Variants in HIF3A observed in about 807,000 individuals in gnomAD.
HIF3A encodes hypoxia inducible factor 3 subunit alpha, also known as hypoxia-inducible factor 3-alpha.
Under a neutral mutation model 67.2 loss-of-function variants are expected in HIF3A, and 41 were observed. The observed-to-expected ratio is 0.61, with a 90% CI of 0.48 to 0.79. HIF3A has a LOEUF of 0.79. HIF3A is among the 30% of genes least tolerant of loss of function. The pLI, the probability that HIF3A is intolerant of heterozygous loss-of-function variation, is 0.00. For synonymous variants in HIF3A, 356 were observed against 374.8 expected, an observed-to-expected ratio of 0.95 and a Z score of 0.58; for missense variants, 855 against 898.0, an observed-to-expected ratio of 0.95 and a Z score of 0.61.
At chr19:46,337,242 A>T (rs1971691877) in intron 14 of HIF3A, among the ~76,000 whole-genome samples, 1 of 151,778 alleles carries the variant, frequency 6.6e-6, no homozygotes, top group Non-Finnish European at 1.5e-5. Flanking sequence ...TGGGGACTGT[A>T]TCTATCTTTT....
intron 1 of HIF3A, chr19:46,298,208 G>C (rs4803924): frequency 0.87 from 265,779 of 305,950 alleles, 116,191 homozygotes; most frequent in Non-Finnish European, 0.91. Flanking sequence ...GTTTCTAACC[G>C]CCCCCATCCT....
chr19:46,324,961 CAT>C (rs746767083), intron 10 of HIF3A, among the ~76,000 whole-genome samples: 1 of 133,196 alleles, frequency 7.5e-6, no homozygotes, highest in Non-Finnish European at 1.6e-5. Flanking sequence ...TATATATACA[CAT>C]ACACACACAC....
chr19:46,314,757 C>G (rs1969781177), intron 8 of HIF3A, among the ~76,000 whole-genome samples: 1 of 146,512 alleles, frequency 6.8e-6, no homozygotes, highest in Non-Finnish European at 1.5e-5. Context: ...CGGGGTTTCA[C>G]CATGTTGGCC....
chr19:46,341,673 C>G lies in HIF3A; in HGVS notation c.*2051C>G, dbSNP rs1568556894. The G allele has an allele frequency of 6.8e-6, 1 of 146,306 alleles. No homozygotes were observed. Among genetic ancestry groups the G allele is most frequent in the African/African-American group, 2.6e-5 (1 of 39,084 alleles). 9.1% of individuals were successfully genotyped at this position (146,306 alleles called of 1,614,324 possible). Reference sequence around the variant, plus strand: ...TTTTTTCTTTTTTGAGATGGAGTCTCTCTCTGTTGCCCAGGCTGGAGTATA... The same window carrying G: ...TTTTTTCTTTTTTGAGATGGAGTCTGTCTCTGTTGCCCAGGCTGGAGTATA... On this transcript the variant is annotated 3_prime_UTR_variant, in exon 15 of 15. Coordinates refer to ENST00000377670, the MANE Select transcript of HIF3A (RefSeq NM_152795.4).
intron 14 of HIF3A, among the ~76,000 whole-genome samples, chr19:46,336,684 G>C (rs115565786): frequency 0.01 from 1,575 of 150,794 alleles, 32 homozygotes; most frequent in African/African-American, 0.036. Context: ...ACCGCACCAG[G>C]CCCCTGTCTC....
chr19:46,325,498 C>T (rs374234002), intron 10 of HIF3A, 37 bp from the exon 11 acceptor site: 3 of 1,479,380 alleles, frequency 2.0e-6, no homozygotes, highest in East Asian at 2.3e-5. Context: ...CTCCCAGGCT[C>T]AAGATTTCCT....
chr19:46,342,861 C>G lies in HIF3A; in HGVS notation c.*3239C>G, dbSNP rs1386294199. The G allele has an allele frequency of 1.3e-5, 2 of 152,386 alleles. No individual in the cohort carries two copies. Among genetic ancestry groups the G allele is most frequent in the African/African-American group, 4.8e-5 (2 of 41,436 alleles). The allele number at this position is 152,386 out of a possible 1,614,324, so 9.4% of individuals were successfully genotyped here. ...GGCTGTGCTGCTCCTGGACTTCATG[C>G]CTCTCCATTCTCATTGCCTACAATC... On this transcript the variant is annotated 3_prime_UTR_variant, in exon 15 of 15. Coordinates refer to ENST00000377670, the MANE Select transcript of HIF3A (RefSeq NM_152795.4).
chr19:46,306,547 T>C (rs931783045), intron 3 of HIF3A: 6 of 152,260 alleles, frequency 3.9e-5, no homozygotes, highest in African/African-American at 1.4e-4. Flanking sequence ...ATTATTCCAA[T>C]TTTTAGCATA....
intron 11 of HIF3A, among the ~76,000 whole-genome samples, chr19:46,325,887 ATAGGTGATACT>A (rs776164899): frequency 2.8e-4 from 43 of 152,354 alleles, no homozygotes; most frequent in Non-Finnish European, 5.4e-4. Context: ...TGAAAAATGG[ATAGGTGATACT>A]TGGATGGATG....
Position 46,304,022 on chromosome 19 carries a change from C to T in HIF3A, c.151C>T (p.Leu51=), listed in dbSNP as rs746716033. 3.0e-5 allele frequency: 48 copies of T among 1,592,744 alleles called. No individual in the cohort carries two copies. Among genetic ancestry groups the T allele is most frequent in the Middle Eastern group, 3.3e-4 (2 of 6,028 alleles). The part of the protein sequence containing the change: ...LPFARGVSAH[L]DKASIMRLTI... ...CTTCGCCCGCGGCGTCAGCGCCCAC[C>T]TGGACAAGGCCTCTATCATGCGCCT... The change falls in exon 2 of 15, where the codon CTG becomes TTG. Residue 51 remains leucine, a synonymous_variant. Transcript: ENST00000377670.
intron 6 of HIF3A, among the ~76,000 whole-genome samples, chr19:46,309,649 C>T (rs1425644096): frequency 6.6e-6 from 1 of 152,010 alleles, no homozygotes; most frequent in Non-Finnish European, 1.5e-5. Context: ...TGTGAGCCAC[C>T]GCACCTGGCC....
At chr19:46,305,909 C>G (rs1014514098) in intron 3 of HIF3A, among the ~76,000 whole-genome samples, 3 of 152,110 alleles carry the variant, frequency 2.0e-5, no homozygotes, top group Non-Finnish European at 4.4e-5. Flanking sequence ...AAAACCCTGT[C>G]TCCACCAAAA....
At position 46,308,694 on chromosome 19, in the gene HIF3A, G is replaced by A. The variant is rs368394094; in HGVS notation, c.480G>A (p.Thr160=). The change falls in exon 5 of 15, where the codon ACG becomes ACA. Residue 160 remains threonine (T), a synonymous_variant. Coordinates refer to ENST00000377670, the MANE Select transcript of HIF3A (RefSeq NM_152795.4). ...CCAGGAGGAAGGTGGAGGCCCCCAC[G>A]GAGCGGTGCTTCTCCTTGCGCATGA... The part of the protein sequence containing the change: ...TLSRRKVEAP[T]ERCFSLRMKS... 5.7e-5 allele frequency: 91 copies of A among 1,609,512 alleles called. No individual in the cohort carries two copies. Among genetic ancestry groups the A allele is most frequent in the East Asian group, 4.9e-4 (22 of 44,700 alleles).
At position 46,297,312 on chromosome 19, in the gene HIF3A, T is replaced by A. The variant is rs1967940188; in HGVS notation, c.26+210T>A. ...TACGTCTCTGGCTGCCCCGCCCCTC[T>A]GGCCAAGAGCGGCTTCGGGGTTCCC... On this transcript the variant is annotated intron_variant, in intron 1 of 14. Transcript: ENST00000377670. This position sits in a 1 kb window ranked among gnomAD's most constrained non-coding sequence, Gnocchi z 4.5. 6.6e-6 allele frequency among the ~76,000 whole-genome samples: 1 copy of A among 152,118 alleles called. No homozygotes were observed. The highest frequency in any genetic ancestry group is 6.5e-5 in the Admixed American group (1 of 15,278).
chr19:46,328,683 A>G (rs945903054), intron 11 of HIF3A, among the ~76,000 whole-genome samples: 5 of 151,816 alleles, frequency 3.3e-5, no homozygotes, highest in African/African-American at 1.2e-4. Context: ...GAGTCTTCTC[A>G]ATGTTCAGAT....
At chr19:46,318,116 G>A (rs912614779) in intron 8 of HIF3A, among the ~76,000 whole-genome samples, 24 of 152,154 alleles carry the variant, frequency 1.6e-4, no homozygotes, top group South Asian at 1.2e-3. Context: ...GATTACAGGC[G>A]TGAGCCACTG....
intron 2 of HIF3A, 70 bp from the exon 3 acceptor site, chr19:46,305,175 C>T (rs747878448): frequency 3.1e-6 from 5 of 1,607,584 alleles, no homozygotes; most frequent in South Asian, 1.1e-5. Flanking sequence ...GGGAGGCTAG[C>T]CCAGGGTCAG....
intron 1 of HIF3A, chr19:46,298,335 TGG>T: frequency 7.9e-7 from 1 of 1,262,632 alleles, no homozygotes; most frequent in Non-Finnish European, 1.0e-6. Flanking sequence ...CCTGGCTGGG[TGG>T]GGGCCCCTCT....
At chr19:46,310,676 C>T (rs753114357) in intron 6 of HIF3A, 13 of 447,294 alleles carry the variant, frequency 2.9e-5, no homozygotes, top group African/African-American at 4.0e-5. Flanking sequence ...CTTGTACAGT[C>T]GTTCTGAGCA....
Sources: allele counts gnomAD v4.1 joint callset (sites outside exome capture counted in the v4.1 genomes callset), GRCh38; gene constraint gnomAD v4.1.1; non-coding constraint Gnocchi (gnomAD v3.1); transcripts MANE v1.5; gene names NCBI Gene and HGNC (gene_info 2026-07-23, HGNC 2026-07-21).